KCNQ3: variants seen among roughly 807,000 people sequenced by gnomAD.
KCNQ3 encodes the protein potassium voltage-gated channel subfamily Q member 3.
Under a neutral mutation model 92.5 loss-of-function variants are expected in KCNQ3, and 30 were observed. The ratio of observed to expected loss-of-function variants is 0.32; its 90% confidence interval spans 0.24 to 0.44. The LOEUF is 0.44. Ranked by LOEUF, KCNQ3 falls within the 20% of genes least tolerant of loss-of-function variation. The pLI, the probability that KCNQ3 is intolerant of heterozygous loss-of-function variation, is 1.00. For synonymous variants in KCNQ3, 450 were observed against 468.8 expected, an observed-to-expected ratio of 0.96 and a Z score of 0.52; for missense variants, 913 against 1,140.3, an observed-to-expected ratio of 0.80 and a Z score of 2.87.
intron 1 of KCNQ3, among the ~76,000 whole-genome samples, chr8:132,296,640 T>C (rs1221746109): frequency 6.6e-5 from 10 of 151,508 alleles, no homozygotes; most frequent in Non-Finnish European, 1.2e-4. Context: ...ATATGCGGTG[T>C]TTGGTTTTTT....
At chr8:132,451,227 A>G (rs1821813082) in intron 1 of KCNQ3, among the ~76,000 whole-genome samples, 1 of 152,162 alleles carries the variant, frequency 6.6e-6, no homozygotes, top group South Asian at 2.1e-4. Context: ...TGCCATGTAA[A>G]ACGTGACTTT....
In KCNQ3 at chr8:132,264,569, T is replaced by C. The variant is rs1346815599; in HGVS notation, c.387-78388A>G. ...GGCAGGGGTTCCTCCTTGAAATCCA[T>C]ATCAGAATCTTCTGTAGGACTTCAT... On this transcript the variant is annotated intron_variant, in intron 1 of 14. Transcript: ENST00000388996. Among the ~76,000 whole-genome samples, 5 of 152,192 alleles carry C rather than the reference T, an allele frequency of 3.3e-5. No individual in the cohort carries two copies. The East Asian group carries it at 7.7e-4, about 23-fold the overall frequency.
chr8:132,221,184 T>C (rs1383682926), intron 1 of KCNQ3, among the ~76,000 whole-genome samples: 1 of 152,216 alleles, frequency 6.6e-6, no homozygotes, highest in African/African-American at 2.4e-5. Context: ...CCATCGTGTA[T>C]ATGTGCCACA....
chr8:132,132,535 T>C (rs1226342803), intron 13 of KCNQ3, among the ~76,000 whole-genome samples: 2 of 152,266 alleles, frequency 1.3e-5, no homozygotes, highest in African/African-American at 4.8e-5. Flanking sequence ...TTGCTTTGTG[T>C]TAAACATTAT....
chr8:132,352,050 G>A (rs9297848), intron 1 of KCNQ3, among the ~76,000 whole-genome samples: 61,200 of 151,930 alleles, frequency 0.4, 13,535 homozygotes, highest in African/African-American at 0.58. Flanking sequence ...GTTTGGGCTC[G>A]TTTTATGAAT....
At chr8:132,298,365 G>A (rs1317681735) in intron 1 of KCNQ3, among the ~76,000 whole-genome samples, 1 of 152,158 alleles carries the variant, frequency 6.6e-6, no homozygotes, top group African/African-American at 2.4e-5. Context: ...ACAGAGACGG[G>A]CCATCTAACT....
chr8:132,152,232 A>G (rs1344564949), intron 9 of KCNQ3, among the ~76,000 whole-genome samples: 1 of 152,230 alleles, frequency 6.6e-6, no homozygotes, highest in African/African-American at 2.4e-5. Flanking sequence ...CATGAATATC[A>G]AGCAAAACAA....
At chr8:132,440,039 C>T (rs910292295) in intron 1 of KCNQ3, among the ~76,000 whole-genome samples, 1 of 152,196 alleles carries the variant, frequency 6.6e-6, no homozygotes, top group African/African-American at 2.4e-5. Context: ...CTTCCGTATA[C>T]TTTAAATCAT....
intron 1 of KCNQ3, among the ~76,000 whole-genome samples, chr8:132,260,205 C>G (rs913982182): frequency 1.3e-5 from 2 of 152,108 alleles, no homozygotes; most frequent in South Asian, 4.2e-4. Context: ...AGATGGGTTT[C>G]AAATATAATG....
rs116626670 is a variant in KCNQ3 at position 132,134,412 on chromosome 8, G to A, written c.1701-24C>T. On this transcript the variant is annotated intron_variant, in intron 12 of 14. Coordinates refer to ENST00000388996, the MANE Select transcript of KCNQ3 (RefSeq NM_004519.4). ...TTCTGAAAGAAACAAACAGAGCAGGGATTAAATTACACAGAGCTTTGTTTT... is the reference window on the plus strand; with the variant it reads ...TTCTGAAAGAAACAAACAGAGCAGGAATTAAATTACACAGAGCTTTGTTTT... 934 of 1,485,200 alleles carry A rather than the reference G, an allele frequency of 6.3e-4. 3 individuals carry two copies. In the African/African-American group the frequency reaches 0.011, roughly 18 times the overall value. 92.0% of individuals were successfully genotyped at this position (1,485,200 alleles called of 1,614,324 possible). A position where few individuals can be genotyped will look rare whatever the true frequency, so the allele number is the denominator to read the frequency against.
At position 132,199,043 on chromosome 8, in the gene KCNQ3, A is replaced by C. The variant is rs1011381160; in HGVS notation, c.387-12862T>G. Among the ~76,000 whole-genome samples the C allele has an allele frequency of 2.0e-5, 3 of 152,182 alleles. No homozygotes were observed. The East Asian group carries it at 5.8e-4, about 29-fold the overall frequency. ...TCTCTGCCTCACCATCAGATACACC[A>C]TTCAGTAGTACAACATGAACCACTT... is the stretch of plus-strand genomic sequence containing the variant. On this transcript the variant is annotated intron_variant, in intron 1 of 14. Coordinates refer to ENST00000388996, the MANE Select transcript of KCNQ3 (RefSeq NM_004519.4).
At position 132,449,615 on chromosome 8, in the gene KCNQ3, T is replaced by C. The variant is rs577535644; in HGVS notation, c.386+30532A>G. 3.3e-5 allele frequency among the ~76,000 whole-genome samples: 5 copies of C among 152,234 alleles called. No homozygotes were observed. In the South Asian group the frequency reaches 6.2e-4, roughly 19 times the overall value. On this transcript the variant is annotated intron_variant, in intron 1 of 14. Transcript: ENST00000388996. ...GCCCTCAGATTCACCCCCCACACCA[T>C]TGGCCCTGCCTGGGTCATGTGCTTA...
At chr8:132,217,725 A>AAC (rs1563809319) in intron 1 of KCNQ3, among the ~76,000 whole-genome samples, 5 of 151,474 alleles carry the variant, frequency 3.3e-5, no homozygotes, top group African/African-American at 1.2e-4. Context: ...AAAAAAAAAA[A>AAC]AAAAACAAAA....
rs540327842 is a variant in KCNQ3 at position 132,226,951 on chromosome 8, A to C, written c.387-40770T>G. On this transcript the variant is annotated intron_variant, in intron 1 of 14. Transcript: ENST00000388996. ...AAAAATATCATTGACTTCATTTTTC[A>C]GAAGGCAAAACTGGATCTCAGAGAG... is the stretch of plus-strand genomic sequence containing the variant. Among the ~76,000 whole-genome samples, 191 of 152,312 alleles carry C rather than the reference A, an allele frequency of 1.3e-3. 2 individuals are homozygous for C. The highest frequency in any genetic ancestry group is 4.1e-3 in the African/African-American group (171 of 41,566).
At chr8:132,172,304 A>T (rs1477868209) in intron 7 of KCNQ3, among the ~76,000 whole-genome samples, 1 of 152,108 alleles carries the variant, frequency 6.6e-6, no homozygotes, top group Non-Finnish European at 1.5e-5. Context: ...CAGTACACAG[A>T]AGAACAGGTG....
intron 1 of KCNQ3, among the ~76,000 whole-genome samples, chr8:132,471,438 T>C (rs796739083): frequency 2.0e-5 from 3 of 152,266 alleles, no homozygotes; most frequent in African/African-American, 7.2e-5. Context: ...TGCATGGATT[T>C]CATGAGGGTT....
chr8:132,241,503 A>T (rs1814996386), intron 1 of KCNQ3, among the ~76,000 whole-genome samples: 1 of 151,902 alleles, frequency 6.6e-6, no homozygotes, highest in African/African-American at 2.4e-5. Context: ...GTTCTCCTAC[A>T]GTTATTATTA....
intron 13 of KCNQ3, among the ~76,000 whole-genome samples, chr8:132,133,170 T>A (rs1233769008): frequency 6.6e-6 from 1 of 152,096 alleles, no homozygotes; most frequent in Non-Finnish European, 1.5e-5. Flanking sequence ...AGGATCTGCA[T>A]CCCTAAAAGA....
intron 4 of KCNQ3, among the ~76,000 whole-genome samples, chr8:132,178,706 C>G (rs972699849): frequency 6.6e-6 from 1 of 152,012 alleles, no homozygotes. Context: ...TTCAACGTAT[C>G]TAGGTGCATC....
Sources: gnomAD v4.1 joint callset for allele counts (sites outside exome capture counted in the v4.1 genomes callset) on GRCh38, gnomAD v4.1.1 for gene constraint, MANE v1.5 for transcripts, NCBI Gene and HGNC (gene_info 2026-07-23, HGNC 2026-07-21) for gene names.